TRIOBP: variants seen among roughly 807,000 people sequenced by gnomAD.
TRIOBP encodes the protein TRIO and F-actin-binding protein.
TRIOBP carries 169 observed loss-of-function variants against 238.8 expected under a neutral mutation model. That is an observed-to-expected ratio of 0.71 (90% CI 0.62 to 0.80). TRIOBP has a LOEUF of 0.80. Ranked by LOEUF, TRIOBP falls within the 30% of genes least tolerant of loss-of-function variation. TRIOBP has a pLI of 0.00. For synonymous variants in TRIOBP, 1,150 were observed against 1,274.4 expected, an observed-to-expected ratio of 0.90 and a Z score of 2.08; for missense variants, 2,838 against 3,122.6, an observed-to-expected ratio of 0.91 and a Z score of 2.17.
chr22:37,751,882 C>T, intron 12 of TRIOBP, 54 bp downstream of exon 12: 2 of 1,568,728 alleles, frequency 1.3e-6, no homozygotes, highest in Admixed American at 1.7e-5. Context: ...CTGCTGGGCC[C>T]CTGGGCAGCC....
At chr22:37,700,266 A>ACTT (rs58065093) in intron 2 of TRIOBP, among the ~76,000 whole-genome samples, 6 of 134,530 alleles carry the variant, frequency 4.5e-5, no homozygotes, top group Admixed American at 3.9e-4. Context: ...GGGAATCTAG[A>ACTT]TTTTTTTTTT....
chr22:37,748,765 C>T (rs1271404330), intron 11 of TRIOBP, among the ~76,000 whole-genome samples: 3 of 151,968 alleles, frequency 2.0e-5, no homozygotes, highest in Non-Finnish European at 2.9e-5. Flanking sequence ...GAGGGCAGGA[C>T]GGGGGCGGCT....
At chr22:37,758,777 A>T (rs1601660361) in intron 16 of TRIOBP, among the ~76,000 whole-genome samples, 1 of 152,134 alleles carries the variant, frequency 6.6e-6, no homozygotes, top group Non-Finnish European at 1.5e-5. Flanking sequence ...GAATCCTCAC[A>T]GCGGCCTCTA....
intron 17 of TRIOBP, among the ~76,000 whole-genome samples, chr22:37,763,306 G>T (rs1569060876): frequency 6.6e-6 from 1 of 152,242 alleles, no homozygotes; most frequent in East Asian, 1.9e-4. Context: ...CGAGGGGTTT[G>T]TTCAGGTTCA....
chr22:37,743,800 A>AGTGTGTGTGTGTGTGT (rs1238130911), intron 11 of TRIOBP, among the ~76,000 whole-genome samples: 1 of 55,334 alleles, frequency 1.8e-5, no homozygotes. Context: ...AGAGAGAGAG[A>AGTGTGTGTGTGTGTGT]ATGTGTGTGT....
At chr22:37,713,564 C>T (rs755822640) in intron 5 of TRIOBP, among the ~76,000 whole-genome samples, 153 bp downstream of exon 5, 15 of 152,356 alleles carry the variant, frequency 9.8e-5, no homozygotes, top group Admixed American at 7.2e-4. Context: ...CGGGCCACCC[C>T]GGCGAACCCC....
Position 37,701,292 on chromosome 22 carries a change from C to A in TRIOBP, c.-60-14C>A. On this transcript the variant is annotated splice_polypyrimidine_tract_variant and intron_variant, in intron 2 of 23. Transcript: ENST00000644935. ...CCAGTCATCTGGTCTTTGCCTCCCC[C>A]TCATTTTTGCCAGGCCTCACATAGA... The A allele has an allele frequency of 2.4e-6, 3 of 1,228,986 alleles. No homozygotes were observed. Among genetic ancestry groups the A allele is most frequent in the Non-Finnish European group, 2.4e-6 (2 of 848,776 alleles). 76.1% of individuals were successfully genotyped at this position (1,228,986 alleles called of 1,614,324 possible).
In TRIOBP at chr22:37,768,096, C is replaced by T. The variant is rs776641760; in HGVS notation, c.6495C>T (p.Ala2165=). The change falls in exon 19 of 24, where the codon GCC becomes GCT. Residue 2165 remains alanine (A), a synonymous_variant. Coordinates refer to ENST00000644935, the MANE Select transcript of TRIOBP (RefSeq NM_001039141.3). ...TASAIEAMKK[A]YQEELSRELS... ...CAGCCATTGAAGCCATGAAGAAGGC[C>T]TACCAGGAAGAGCTGAGCCGAGAGC... 1 of 1,613,222 alleles carries T rather than the reference C, an allele frequency of 6.2e-7. No individual in the cohort carries two copies. The highest frequency in any genetic ancestry group is 1.1e-5 in the South Asian group (1 of 90,866).
chr22:37,771,198 A>G (rs1353773323), intron 21 of TRIOBP, among the ~76,000 whole-genome samples: 1 of 152,226 alleles, frequency 6.6e-6, no homozygotes, highest in Non-Finnish European at 1.5e-5. Flanking sequence ...TGAACCAGGC[A>G]GTCTGGCTCC....
In TRIOBP at chr22:37,755,561, T is replaced by C; in HGVS notation, c.5589T>C (p.Ala1863=). 6.2e-7 allele frequency: 1 copy of C among 1,614,018 alleles called. No homozygotes were observed. The highest frequency in any genetic ancestry group is 2.2e-5 in the East Asian group (1 of 44,888). The change falls in exon 15 of 24, where the codon GCT becomes GCC. Residue 1863 remains alanine, a synonymous_variant. Coordinates refer to ENST00000644935, the MANE Select transcript of TRIOBP (RefSeq NM_001039141.3). ...CGGTGGCCTTGCAGACCAAGGATGCTGTCTATACCTTGTCGGCCATGACCT... is the reference window on the plus strand; with the variant it reads ...CGGTGGCCTTGCAGACCAAGGATGCCGTCTATACCTTGTCGGCCATGACCT... The part of the protein sequence containing the change: ...NYGFQIHTKD[A]VYTLSAMTSG...
At position 37,725,495 on chromosome 22, in the gene TRIOBP, C is replaced by A. The variant is rs199673937; in HGVS notation, c.2939C>A (p.Ser980Tyr). 1 of 1,613,526 alleles carries A rather than the reference C, an allele frequency of 6.2e-7. No homozygotes were observed. Among genetic ancestry groups the A allele is most frequent in the African/African-American group, 1.3e-5 (1 of 74,884 alleles). ...TTGCCATCCCGGGCCACCTCTTCCT[C>A]CCATAACCCAGGCCACCAGAGCACC... ...YNLPSRATSS[S>Y]HNPGHQSTSR... The change falls in exon 7 of 24, where the codon TCC (serine) becomes TAC (tyrosine). Residue 980 changes from serine (S) to tyrosine (Y), a missense_variant. Ser to Tyr is a moderately radical substitution (Grantham distance 144, BLOSUM62 -2). This residue lies in a region of TRIOBP where 2,096 missense variants were observed against 2,137.4 expected (regional missense o/e 0.98). Transcript: ENST00000644935.
rs750320361 is a variant in TRIOBP, at chr22:37,765,749, G to C, written c.6404G>C (p.Arg2135Pro). The C allele has an allele frequency of 4.4e-6, 7 of 1,576,232 alleles. No homozygotes were observed. The highest frequency in any genetic ancestry group is 2.7e-5 in the African/African-American group (2 of 74,038). The change falls in exon 18 of 24, where the codon CGG becomes CCG. Residue 2135 changes from arginine (R) to proline (P), a missense_variant. By Grantham distance (103) the Arg-to-Pro change is moderately radical (BLOSUM62 -2). This residue lies in a region of TRIOBP where 2,096 missense variants were observed against 2,137.4 expected (regional missense o/e 0.98). Transcript: ENST00000644935. ...VMEELQRHHE[R>P]ELQRLQQEKE... is the part of the protein sequence containing the mutation. The stretch of plus-strand genomic sequence containing the variant: ...GAGGAGCTGCAGCGGCACCACGAGC[G>C]GGAGCTGCAGCGCCTGCAGCAGGAG...
rs768227703 is a variant in TRIOBP at position 37,734,461 on chromosome 22, T to C, written c.4125T>C (p.His1375=). 2.5e-6 allele frequency: 4 copies of C among 1,612,860 alleles called. No individual in the cohort carries two copies. Among genetic ancestry groups the C allele is most frequent in the Non-Finnish European group, 3.4e-6 (4 of 1,179,844 alleles). The change falls in exon 9 of 24, where the codon CAT becomes CAC. Residue 1375 remains histidine, a synonymous_variant. Transcript: ENST00000644935. ...LTRRSQAEPP[H]PWSPEKRPEG... Reference sequence around the variant, plus strand: ...GGCGGAGCCAAGCAGAGCCCCCTCATCCTTGGAGTCCTGAGAAGAGACCTG... The same window carrying C: ...GGCGGAGCCAAGCAGAGCCCCCTCACCCTTGGAGTCCTGAGAAGAGACCTG...
At chr22:37,710,979 C>T (rs1005781093) in intron 4 of TRIOBP, among the ~76,000 whole-genome samples, 7 of 152,242 alleles carry the variant, frequency 4.6e-5, no homozygotes, top group Non-Finnish European at 1.0e-4. Context: ...TCCCTGCACC[C>T]AGGGGCACCT....
In TRIOBP at chr22:37,720,710, A is replaced by G. The variant is rs536897002; in HGVS notation, c.629-2475A>G. Reference sequence around the variant, plus strand: ...TTATTTTTCGTAGAGATGGGGGCTCACTATGTTGCCCAGGCTGGTCTCCAA... The same window carrying G: ...TTATTTTTCGTAGAGATGGGGGCTCGCTATGTTGCCCAGGCTGGTCTCCAA... On this transcript the variant is annotated intron_variant, in intron 6 of 23. Transcript: ENST00000644935. Among the ~76,000 whole-genome samples the G allele has an allele frequency of 5.3e-5, 8 of 151,950 alleles. No individual in the cohort carries two copies. The East Asian group carries it at 1.6e-3, about 30-fold the overall frequency.
At position 37,741,028 on chromosome 22, in the gene TRIOBP, G is replaced by A. The variant is rs775160518; in HGVS notation, c.5318G>A (p.Arg1773Gln). Residue 1773 changes from arginine (R) to glutamine (Q), a missense_variant, in exon 11 of 24, where the codon CGA (arginine) becomes CAA (glutamine). By Grantham distance (43) the Arg-to-Gln change is conservative (BLOSUM62 1). Coordinates refer to ENST00000644935, the MANE Select transcript of TRIOBP (RefSeq NM_001039141.3). ...CTGTCTCTGGGGGTCCTCAGGTGGCGAAGGGTAGGCTGGCTCCAGTGGGGA... is the reference window on the plus strand; with the variant it reads ...CTGTCTCTGGGGGTCCTCAGGTGGCAAAGGGTAGGCTGGCTCCAGTGGGGA... ...FLLSLGVLRW[R>Q]RPDLLNFKKG... The A allele has an allele frequency of 1.8e-5, 28 of 1,562,860 alleles. No individual in the cohort carries two copies. The highest frequency in any genetic ancestry group is 2.3e-5 in the Non-Finnish European group (27 of 1,153,122).
rs140572991 is a variant in TRIOBP, at chr22:37,759,500, G to A, written c.6324+236G>A. ...TATGTGACTTGCCCAAGGTCACCCCGCCTGCAGGTCTCAAAGGTGGGATTT... is the reference window on the plus strand; with the variant it reads ...TATGTGACTTGCCCAAGGTCACCCCACCTGCAGGTCTCAAAGGTGGGATTT... On this transcript the variant is annotated intron_variant, in intron 17 of 23. Coordinates refer to ENST00000644935, the MANE Select transcript of TRIOBP (RefSeq NM_001039141.3). 75 of 1,605,618 alleles carry A rather than the reference G, an allele frequency of 4.7e-5. No homozygotes were observed. The highest frequency in any genetic ancestry group is 5.6e-5 in the Non-Finnish European group (66 of 1,175,622).
intron 2 of TRIOBP, among the ~76,000 whole-genome samples, chr22:37,698,210 AAAAAAAAAG>A: frequency 2.3e-5 from 3 of 130,866 alleles, no homozygotes; most frequent in South Asian, 5.6e-4. Context: ...AAAAAAAAAA[AAAAAAAAAG>A]AAAGAAAGAC....
chr22:37,717,979 T>A (rs1015870384), intron 6 of TRIOBP, among the ~76,000 whole-genome samples: 8 of 152,292 alleles, frequency 5.3e-5, no homozygotes, highest in African/African-American at 1.7e-4. Context: ...TCCCGAGCCC[T>A]GCCCGGTGGG....
Sources: allele counts gnomAD v4.1 joint callset (sites outside exome capture counted in the v4.1 genomes callset), GRCh38; gene constraint gnomAD v4.1.1; regional missense constraint gnomAD v4.1.1; transcripts MANE v1.5; gene names NCBI Gene and HGNC (gene_info 2026-07-23, HGNC 2026-07-21).